Variants in SRRM3 observed in about 807,000 individuals in gnomAD.
SRRM3 encodes the protein serine/arginine repetitive matrix 3.
A neutral mutation model predicts 66.2 loss-of-function variants in SRRM3; 27 were observed. The ratio of observed to expected loss-of-function variants is 0.41; its 90% CI spans 0.30 to 0.56. The LOEUF is 0.56. Ranked by LOEUF, SRRM3 falls within the 20% of genes least tolerant of loss-of-function variation. The pLI is 0.32. For synonymous variants in SRRM3, 391 were observed against 414.9 expected (o/e 0.94, Z 0.70); for missense variants, 918 against 991.9 (o/e 0.93, Z 1.00).
rs781852712 is a variant in SRRM3, at chr7:76,263,877, CAAAAAAA to C, written c.675-866_675-860del. On this transcript the variant is annotated intron_variant, in intron 8 of 14. Transcript: ENST00000611745. ...AACAGAGCGGGACTCTGTCTCAAGA[CAAAAAAA>C]AAAAAAAAAAAAAAAAAAAAAGCAG... Among the ~76,000 whole-genome samples the C allele has an allele frequency of 9.5e-4, 47 of 49,526 alleles. No homozygotes were observed. The East Asian group carries it at 0.01, about 11-fold the overall frequency. The allele number at this position is 49,526 out of a possible 152,430, so 32.5% of individuals were successfully genotyped here.
In SRRM3 at chr7:76,282,793, T is replaced by C; in HGVS notation, c.1516T>C (p.Ser506Pro). The change falls in exon 13 of 15, where the codon TCC becomes CCC. Residue 506 changes from serine to proline, a missense_variant. By Grantham distance (74) the Ser-to-Pro change is moderately conservative (BLOSUM62 -1). Transcript: ENST00000611745. ...CTCCTGGAGCTCCAGCCGCTCGCCC[T>C]CCAAATCTCGCTCGCGCTCTGCGGA... ...PRSWSSSRSP[S>P]KSRSRSAEKR... 1.4e-6 allele frequency: 2 copies of C among 1,465,958 alleles called. No homozygotes were observed. Among genetic ancestry groups the C allele is most frequent in the Admixed American group, 2.4e-5 (1 of 41,362 alleles). 90.8% of individuals were successfully genotyped at this position (1,465,958 alleles called of 1,614,324 possible).
At chr7:76,260,934 G>A (rs1554608608) in intron 6 of SRRM3, 31 bp downstream of exon 6, 4 of 1,553,374 alleles carry the variant, frequency 2.6e-6, no homozygotes, top group South Asian at 2.4e-5. Context: ...CTGGGGCCAG[G>A]GCGGGGGATG....
chr7:76,222,044 C>T (rs868947964), intron 1 of SRRM3, among the ~76,000 whole-genome samples: 2 of 152,186 alleles, frequency 1.3e-5, no homozygotes, highest in African/African-American at 4.8e-5. Context: ...CCATCTGCTA[C>T]TGGCTGATCG....
intron 1 of SRRM3, among the ~76,000 whole-genome samples, chr7:76,206,077 G>A (rs75649416): frequency 0.05 from 7,612 of 152,104 alleles, 289 homozygotes; most frequent in East Asian, 0.14. Context: ...GCACAATCAC[G>A]GCTCACTGCA....
intron 8 of SRRM3, 106 bp downstream of exon 8, chr7:76,261,687 T>A: frequency 7.9e-7 from 1 of 1,269,968 alleles, no homozygotes; most frequent in Non-Finnish European, 1.1e-6. Flanking sequence ...GGCTCCATCC[T>A]TCAGCTCCAG....
chr7:76,254,185 T>G (rs1482574915), intron 3 of SRRM3, among the ~76,000 whole-genome samples: 2 of 151,470 alleles, frequency 1.3e-5, no homozygotes, highest in African/African-American at 2.4e-5. Flanking sequence ...TTTTGTTTTT[T>G]GGGTTTTTTT....
intron 1 of SRRM3, among the ~76,000 whole-genome samples, chr7:76,232,275 G>A (rs1365659222): frequency 2.0e-5 from 3 of 152,120 alleles, no homozygotes; most frequent in Admixed American, 1.3e-4. Flanking sequence ...GCTCATGCCT[G>A]TAATCCCAGC....
intron 3 of SRRM3, among the ~76,000 whole-genome samples, chr7:76,251,523 C>T (rs572242007): frequency 5.9e-5 from 9 of 152,250 alleles, no homozygotes; most frequent in East Asian, 1.9e-4. Context: ...TACAGGCGCA[C>T]GCTGCCACGC....
chr7:76,228,590 G>A lies in SRRM3; in HGVS notation c.-39-6438G>A, dbSNP rs570364627. The stretch of plus-strand genomic sequence containing the variant: ...ATACAAAAAGTTAGCCGGGTGTAGT[G>A]GTGTGCACCTGTAATCCCAGCTACT... On this transcript the variant is annotated intron_variant, in intron 1 of 14. Coordinates refer to ENST00000611745, the MANE Select transcript of SRRM3 (RefSeq NM_001110199.3). Among the ~76,000 whole-genome samples the A allele has an allele frequency of 2.0e-5, 3 of 152,116 alleles. No individual in the cohort carries two copies. In the East Asian group the frequency reaches 5.8e-4, roughly 30 times the overall value.
At chr7:76,240,360 C>T (rs1170700326) in intron 2 of SRRM3, among the ~76,000 whole-genome samples, 1 of 152,046 alleles carries the variant, frequency 6.6e-6, no homozygotes, top group African/African-American at 2.4e-5. Flanking sequence ...TTGGCTCATG[C>T]CTGTAATCCC....
chr7:76,209,806 A>C lies in SRRM3; in HGVS notation c.-40+7739A>C, dbSNP rs140961076. ...GTTTTTTTAGAGATGGGGTTTTGCT[A>C]TGTTGCCCAGGCTGGTCTCAAATGC... On this transcript the variant is annotated intron_variant, in intron 1 of 14. Transcript: ENST00000611745. Among the ~76,000 whole-genome samples, 5 of 152,088 alleles carry C rather than the reference A, an allele frequency of 3.3e-5. No homozygotes were observed. The East Asian group carries it at 9.7e-4, about 29-fold the overall frequency.
intron 1 of SRRM3, among the ~76,000 whole-genome samples, chr7:76,209,000 G>A (rs951229841): frequency 1.5e-4 from 23 of 152,142 alleles, no homozygotes; most frequent in African/African-American, 5.6e-4. Context: ...TCAGGAGGCT[G>A]AGGCAAGAGG....
intron 3 of SRRM3, among the ~76,000 whole-genome samples, chr7:76,254,504 G>C (rs1267734970): frequency 3.9e-5 from 6 of 152,154 alleles, no homozygotes; most frequent in Admixed American, 2.0e-4. Context: ...TTTTAGTAGA[G>C]ATGGGGTTTC....
chr7:76,248,308 G>C lies in SRRM3; in HGVS notation c.335+19G>C, dbSNP rs782716425. 5.0e-6 allele frequency: 8 copies of C among 1,588,518 alleles called. No individual in the cohort carries two copies. In the South Asian group the frequency reaches 8.9e-5, roughly 18 times the overall value. The stretch of plus-strand genomic sequence containing the variant: ...GCCACATGTGAGTGCTTACCTGTGT[G>C]GGGATGAGGGAGAGGGGGTGCAGGC... On this transcript the variant is annotated intron_variant, in intron 3 of 14. Coordinates refer to ENST00000611745, the MANE Select transcript of SRRM3 (RefSeq NM_001110199.3).
At chr7:76,214,268 A>G (rs1349876259) in intron 1 of SRRM3, among the ~76,000 whole-genome samples, 1 of 151,404 alleles carries the variant, frequency 6.6e-6, no homozygotes, top group Non-Finnish European at 1.5e-5. Context: ...CTGCACCAGG[A>G]GCTCCCACTC....
At chr7:76,256,384 A>G (rs527304010) in intron 3 of SRRM3, among the ~76,000 whole-genome samples, 1 of 152,072 alleles carries the variant, frequency 6.6e-6, no homozygotes, top group African/African-American at 2.4e-5. Context: ...GCAGGTGCCT[A>G]TAATCCCAGC....
intron 1 of SRRM3, among the ~76,000 whole-genome samples, chr7:76,210,887 C>T (rs571778098): frequency 6.6e-5 from 10 of 152,214 alleles, no homozygotes; most frequent in African/African-American, 2.4e-4. Context: ...ACTGCAACCT[C>T]TGCCTCCCAG....
At chr7:76,209,224 G>A (rs1415269663) in intron 1 of SRRM3, among the ~76,000 whole-genome samples, 1 of 152,236 alleles carries the variant, frequency 6.6e-6, no homozygotes, top group Non-Finnish European at 1.5e-5. Flanking sequence ...CACAGCACGA[G>A]GCCCGAGGAC....
Position 76,267,321 on chromosome 7 carries a change from G to A in SRRM3, c.894G>A (p.Arg298=). ...GCAGCCAGCGGTCCAGCGGAAGCCG[G>A]TCGCCTTCCCCGTCGGGCGGCAGCG... ...KTGSQRSSGS[R]SPSPSGGSGW... The change falls in exon 11 of 15, where the codon CGG becomes CGA. Residue 298 remains arginine (R), a synonymous_variant. Coordinates refer to ENST00000611745, the MANE Select transcript of SRRM3 (RefSeq NM_001110199.3). 2 of 1,546,054 alleles carry A rather than the reference G, an allele frequency of 1.3e-6. No homozygotes were observed. The highest frequency in any genetic ancestry group is 1.2e-5 in the South Asian group (1 of 83,878).
Sources: allele counts gnomAD v4.1 joint callset (sites outside exome capture counted in the v4.1 genomes callset), GRCh38; gene constraint gnomAD v4.1.1; transcripts MANE v1.5; gene names NCBI Gene and HGNC (gene_info 2026-07-23, HGNC 2026-07-21).